The following LRRC49 variants were observed in gnomAD, a reference collection of about 807,000 sequenced individuals.
The protein encoded by LRRC49 is leucine rich repeat containing 49.
LRRC49 carries 50 observed loss-of-function variants against 83.3 expected under a neutral mutation model. The ratio of observed to expected loss-of-function variants is 0.60; its 90% confidence interval spans 0.48 to 0.76. The LOEUF (loss-of-function observed/expected upper bound fraction) is 0.76, where lower values mean the gene tolerates loss of function less well. Among genes scored for constraint, LRRC49 ranks in the 30% least tolerant of loss-of-function variants. The pLI, the probability that LRRC49 is intolerant of heterozygous loss-of-function variation, is 0.00. For synonymous variants in LRRC49, 286 were observed against 283.3 expected (o/e 1.01, Z -0.10); for missense variants, 704 against 809.1 (o/e 0.87, Z 1.58).
intron 1 of LRRC49, among the ~76,000 whole-genome samples, chr15:70,860,314 G>A (rs1448520053): frequency 1.3e-5 from 2 of 152,162 alleles, no homozygotes; most frequent in Non-Finnish European, 2.9e-5. Context: ...TACTGCCTGG[G>A]GACACCCCTT....
chr15:70,928,011 C>A (rs1596029696), intron 7 of LRRC49, among the ~76,000 whole-genome samples: 1 of 152,078 alleles, frequency 6.6e-6, no homozygotes, highest in Admixed American at 6.6e-5. Flanking sequence ...TTCATTTTTC[C>A]CACATAGGGA....
intron 1 of LRRC49, chr15:70,872,836 G>C (rs2033077998): frequency 4.3e-6 from 1 of 231,182 alleles, no homozygotes; most frequent in Non-Finnish European, 8.7e-6. Flanking sequence ...TCCAAGACTT[G>C]TGAGAGAAAT....
intron 9 of LRRC49, among the ~76,000 whole-genome samples, chr15:70,970,940 T>C (rs1279423578): frequency 6.6e-6 from 1 of 152,234 alleles, no homozygotes; most frequent in African/African-American, 2.4e-5. Context: ...AATCAGCTCC[T>C]GGATTCATTG....
intron 2 of LRRC49, among the ~76,000 whole-genome samples, chr15:70,877,726 CT>C (rs1369448248): frequency 6.6e-6 from 1 of 152,258 alleles, no homozygotes; most frequent in East Asian, 1.9e-4. Context: ...GGTATGTTAC[CT>C]TCATGAAAGT....
chr15:70,942,540 G>A (rs981848185), intron 8 of LRRC49, among the ~76,000 whole-genome samples: 3 of 152,112 alleles, frequency 2.0e-5, no homozygotes, highest in Non-Finnish European at 2.9e-5. Context: ...TGCATTTCTT[G>A]TACTTATATT....
chr15:70,996,766 C>G (rs1371316202), intron 11 of LRRC49, among the ~76,000 whole-genome samples: 2 of 152,048 alleles, frequency 1.3e-5, no homozygotes, highest in African/African-American at 4.8e-5. Context: ...TGAGTCTATC[C>G]TTTTTATTTT....
At chr15:70,875,105 T>C (rs929939251) in intron 2 of LRRC49, among the ~76,000 whole-genome samples, 6 of 152,232 alleles carry the variant, frequency 3.9e-5, no homozygotes, top group Non-Finnish European at 7.3e-5. Flanking sequence ...CCAGATAACT[T>C]CTCTGATCTT....
At chr15:70,858,812 A>G (rs2032714459) in intron 1 of LRRC49, 5 of 813,662 alleles carry the variant, frequency 6.1e-6, no homozygotes, top group Admixed American at 3.8e-5. Context: ...TGCCCGCATC[A>G]GCACCTGAGA....
At chr15:70,866,114 GTATTTATTTATT>G (rs71880311) in intron 1 of LRRC49, among the ~76,000 whole-genome samples, 2,310 of 142,120 alleles carry the variant, frequency 0.016, 27 homozygotes, top group Non-Finnish European at 0.023. Flanking sequence ...TACATGTAAA[GTATTTATTTATT>G]TATTTATTTA....
At chr15:70,958,218 T>C (rs2036472677) in intron 8 of LRRC49, among the ~76,000 whole-genome samples, 1 of 152,210 alleles carries the variant, frequency 6.6e-6, no homozygotes, top group Non-Finnish European at 1.5e-5. Flanking sequence ...CGCAATCTGC[T>C]TTATAACTAG....
chr15:70,900,397 G>T (rs2034020037), intron 3 of LRRC49: 1 of 450,268 alleles, frequency 2.2e-6, no homozygotes, highest in Non-Finnish European at 4.5e-6. Context: ...GTTTACATCT[G>T]CTATCCAAAA....
In LRRC49 at chr15:70,900,939, G is replaced by A; in HGVS notation, c.211G>A (p.Val71Met). 6.2e-7 allele frequency: 1 copy of A among 1,600,176 alleles called. No homozygotes were observed. The highest frequency in any genetic ancestry group is 1.1e-5 in the South Asian group (1 of 89,170). ...SSRQGDHINL[V>M]SSSLSSFPIL... ...TTTAATAGGTGATCATATTAATTTG[G>A]TGAGCTCATCATTGTCATCATTTCC... Residue 71 changes from valine (V) to methionine (M), a missense_variant, in exon 4 of 16, where the codon GTG (valine) becomes ATG (methionine). Transcript: ENST00000260382.
chr15:70,992,790 C>A (rs748183899), intron 11 of LRRC49, among the ~76,000 whole-genome samples: 18 of 152,150 alleles, frequency 1.2e-4, no homozygotes, highest in Non-Finnish European at 2.4e-4. Flanking sequence ...TCAGTCTGCC[C>A]CTACTCGGGG....
chr15:70,902,098 C>T (rs771595980), intron 4 of LRRC49, among the ~76,000 whole-genome samples: 27 of 152,160 alleles, frequency 1.8e-4, no homozygotes, highest in Admixed American at 7.9e-4. Context: ...TCTCTCATGA[C>T]ATCTTTGCGG....
intron 7 of LRRC49, among the ~76,000 whole-genome samples, chr15:70,934,458 C>G (rs1203283875): frequency 6.6e-6 from 1 of 152,010 alleles, no homozygotes; most frequent in Non-Finnish European, 1.5e-5. Flanking sequence ...GAATTGAATT[C>G]TGCATTTTAG....
At chr15:70,885,732 T>C (rs959558479) in intron 2 of LRRC49, among the ~76,000 whole-genome samples, 1 of 152,186 alleles carries the variant, frequency 6.6e-6, no homozygotes, top group Non-Finnish European at 1.5e-5. Context: ...ACCAAATAGG[T>C]AGAATTTGAA....
In LRRC49 at chr15:71,010,354, C is replaced by A. The variant is rs527524566; in HGVS notation, c.1593+362C>A. Among the ~76,000 whole-genome samples the A allele has an allele frequency of 5.3e-5, 8 of 151,364 alleles. No individual in the cohort carries two copies. The South Asian group carries it at 1.7e-3, about 32-fold the overall frequency. ...CTCAAAGTACTTTGCAGACTGCCTG[C>A]TATGCAAGAGGGGATAAGGAAGTAA... On this transcript the variant is annotated intron_variant, in intron 13 of 15. Transcript: ENST00000260382.
chr15:70,934,181 A>G (rs2035517490), intron 7 of LRRC49, among the ~76,000 whole-genome samples: 1 of 152,190 alleles, frequency 6.6e-6, no homozygotes, highest in Non-Finnish European at 1.5e-5. Context: ...TAGAGGAGCC[A>G]TCCCCTAGTA....
intron 9 of LRRC49, among the ~76,000 whole-genome samples, chr15:70,974,488 T>G (rs768889926): frequency 3.0e-4 from 46 of 152,334 alleles, no homozygotes; most frequent in Non-Finnish European, 3.8e-4. Flanking sequence ...CTATTCACAT[T>G]TTTATTAATG....
Sources: gnomAD v4.1 joint callset for allele counts (sites outside exome capture counted in the v4.1 genomes callset) on GRCh38, gnomAD v4.1.1 for gene constraint, MANE v1.5 for transcripts, NCBI Gene and HGNC (gene_info 2026-07-23, HGNC 2026-07-21) for gene names.